Variants in ROBO2 observed in about 807,000 individuals in gnomAD.
ROBO2 encodes roundabout homolog 2.
In ROBO2, 53 loss-of-function variants were observed where a neutral mutation model predicts 160.8. That is an observed-to-expected ratio of 0.33 (90% CI 0.26 to 0.41). ROBO2 has a LOEUF of 0.41. Among genes scored for constraint, ROBO2 ranks in the 10% least tolerant of loss-of-function variants. The pLI is 1.00. For synonymous variants in ROBO2, 664 were observed against 611.7 expected, an observed-to-expected ratio of 1.09 and a Z score of -1.26; for missense variants, 1,577 against 1,722.4, an observed-to-expected ratio of 0.92 and a Z score of 1.49.
At chr3:76,286,485 A>G (rs1043540096) in intron 2 of ROBO2, among the ~76,000 whole-genome samples, 5 of 152,112 alleles carry the variant, frequency 3.3e-5, no homozygotes, top group Admixed American at 6.6e-5. Context: ...AAAAAGAGGG[A>G]CAATATTAAT....
intron 2 of ROBO2, among the ~76,000 whole-genome samples, chr3:76,780,277 T>C (rs1296703042): frequency 2.7e-5 from 4 of 150,770 alleles, no homozygotes; most frequent in African/African-American, 9.7e-5. Context: ...TGGTTTTGTT[T>C]TGTTTAGTTG....
intron 1 of ROBO2, among the ~76,000 whole-genome samples, chr3:75,922,078 ATAAT>A (rs995370606): frequency 1.3e-5 from 2 of 152,304 alleles, no homozygotes; most frequent in African/African-American, 4.8e-5. Context: ...TCATAATTAA[ATAAT>A]TTCATGTTAC....
At chr3:76,288,293 T>G (rs1431091865) in intron 2 of ROBO2, among the ~76,000 whole-genome samples, 1 of 152,190 alleles carries the variant, frequency 6.6e-6, no homozygotes, top group Non-Finnish European at 1.5e-5. Flanking sequence ...CTTGGATTCC[T>G]TCCTCCTATT....
chr3:76,443,211 A>G (rs1332758889), intron 2 of ROBO2, among the ~76,000 whole-genome samples: 1 of 152,114 alleles, frequency 6.6e-6, no homozygotes, highest in Non-Finnish European at 1.5e-5. Flanking sequence ...CCTGCAAGAC[A>G]GCAACAAGCC....
intron 2 of ROBO2, among the ~76,000 whole-genome samples, chr3:77,144,310 T>G (rs1441615528): frequency 1.3e-5 from 2 of 152,228 alleles, no homozygotes; most frequent in Non-Finnish European, 2.9e-5. Flanking sequence ...GCAATCCTGC[T>G]GGGCTTGCAA....
intron 2 of ROBO2, among the ~76,000 whole-genome samples, chr3:77,314,264 C>G (rs1340292766): frequency 6.6e-6 from 1 of 152,188 alleles, no homozygotes; most frequent in Non-Finnish European, 1.5e-5. Context: ...CATATACTAC[C>G]TGCAAATCTA....
At chr3:76,603,346 AAAAAAATATATAT>A (rs1560218845) in intron 2 of ROBO2, among the ~76,000 whole-genome samples, 1 of 56,972 alleles carries the variant, frequency 1.8e-5, no homozygotes, top group Non-Finnish European at 3.5e-5. Context: ...AAAAAAAAAA[AAAAAAATATATAT>A]ATATATATAT....
intron 1 of ROBO2, among the ~76,000 whole-genome samples, chr3:75,932,247 C>T (rs1947576440): frequency 6.6e-6 from 1 of 152,094 alleles, no homozygotes; most frequent in South Asian, 2.1e-4. Flanking sequence ...ACTACTAAAT[C>T]TGAGGAGTTT....
chr3:77,479,641 T>C (rs2084442890), intron 3 of ROBO2, among the ~76,000 whole-genome samples: 1 of 152,154 alleles, frequency 6.6e-6, no homozygotes, highest in African/African-American at 2.4e-5. Flanking sequence ...TTCTCAGTGG[T>C]CTTGCTTGGG....
intron 2 of ROBO2, among the ~76,000 whole-genome samples, chr3:76,795,235 G>A (rs1052454467): frequency 6.6e-6 from 1 of 152,046 alleles, no homozygotes; most frequent in African/African-American, 2.4e-5. Context: ...GTGGTTGAAG[G>A]TTAGGGGAGC....
intron 2 of ROBO2, among the ~76,000 whole-genome samples, chr3:76,950,295 G>T (rs2078879140): frequency 6.6e-6 from 1 of 152,114 alleles, no homozygotes; most frequent in Admixed American, 6.6e-5. Flanking sequence ...TCCAAAAGCG[G>T]AATCCTTTAC....
chr3:76,987,593 TA>T (rs1367267450), intron 2 of ROBO2, among the ~76,000 whole-genome samples: 1 of 152,170 alleles, frequency 6.6e-6, no homozygotes, highest in Non-Finnish European at 1.5e-5. Flanking sequence ...CATGCACTTC[TA>T]AAAAATTAGC....
In ROBO2 at chr3:76,272,770, T is replaced by TCTA. The variant is rs1559705311; in HGVS notation, c.109+335168_109+335169insCTA. On this transcript the variant is annotated intron_variant, in intron 2 of 26. Coordinates refer to the ROBO2 transcript ENST00000487694. The stretch of plus-strand genomic sequence containing the variant: ...CTATATATAAATATATAATATATAT[T>TCTA]TATATATAAAATATATAAAATATAT... 6.3e-3 allele frequency among the ~76,000 whole-genome samples: 159 copies of TCTA among 25,092 alleles called. 4 individuals are homozygous for TCTA. Among genetic ancestry groups the TCTA allele is most frequent in the South Asian group, 0.011 (7 of 634 alleles). 16.5% of individuals were successfully genotyped at this position (25,092 alleles called of 152,430 possible).
chr3:77,430,500 T>C (rs1020567329), intron 2 of ROBO2, among the ~76,000 whole-genome samples: 5 of 152,050 alleles, frequency 3.3e-5, no homozygotes, highest in Non-Finnish European at 7.4e-5. Context: ...TTACAAATAA[T>C]AAAATATGTG....
In ROBO2 at chr3:77,381,044, A is replaced by G. The variant is rs1325095491; in HGVS notation, c.389-96370A>G. Among the ~76,000 whole-genome samples, 4 of 152,280 alleles carry G rather than the reference A, an allele frequency of 2.6e-5. No homozygotes were observed. In the South Asian group the frequency reaches 8.3e-4, roughly 32 times the overall value. On this transcript the variant is annotated intron_variant, in intron 2 of 25. Transcript: ENST00000461745. Reference sequence around the variant, plus strand: ...TCAGGACAGCATTTTGGCAGGGCGCAGTGGCTCACGCCTGTAATCCCAGCA... The same window carrying G: ...TCAGGACAGCATTTTGGCAGGGCGCGGTGGCTCACGCCTGTAATCCCAGCA...
At chr3:76,123,184 A>G (rs1484123311) in intron 2 of ROBO2, among the ~76,000 whole-genome samples, 1 of 152,156 alleles carries the variant, frequency 6.6e-6, no homozygotes, top group East Asian at 1.9e-4. Flanking sequence ...TTTTTAATTC[A>G]TGGTGAAAAT....
At chr3:76,976,772 T>C (rs1452757807) in intron 2 of ROBO2, among the ~76,000 whole-genome samples, 1 of 152,194 alleles carries the variant, frequency 6.6e-6, no homozygotes, top group Non-Finnish European at 1.5e-5. Context: ...CACATTCTTA[T>C]TTTGCACCGT....
At chr3:76,834,561 C>A (rs974847355) in intron 2 of ROBO2, among the ~76,000 whole-genome samples, 1 of 151,832 alleles carries the variant, frequency 6.6e-6, no homozygotes, top group African/African-American at 2.4e-5. Flanking sequence ...TTTGTAGAGA[C>A]GGGTTTCAAC....
chr3:77,559,454 C>T (rs1398814150), intron 9 of ROBO2, among the ~76,000 whole-genome samples: 2 of 151,940 alleles, frequency 1.3e-5, no homozygotes, highest in African/African-American at 4.8e-5. Flanking sequence ...GGGGATGAGA[C>T]CCAGAACTAA....
Sources: gnomAD v4.1 joint callset for allele counts (sites outside exome capture counted in the v4.1 genomes callset) on GRCh38, gnomAD v4.1.1 for gene constraint, MANE v1.5 for transcripts, NCBI Gene and HGNC (gene_info 2026-07-23, HGNC 2026-07-21) for gene names.